The following SAMD13 variants were observed in gnomAD, a reference collection of about 807,000 sequenced individuals.
The protein encoded by SAMD13 is sterile alpha motif domain-containing protein 13.
A neutral mutation model predicts 12.4 loss-of-function variants in SAMD13; 9 were observed. The observed-to-expected ratio is 0.72, with a 90% CI of 0.44 to 1.26. The LOEUF is 1.26. Among genes scored for constraint, SAMD13 ranks in the 50% most tolerant of loss-of-function variants. SAMD13 has a pLI of 0.00. For missense variants in SAMD13, 84 were observed against 119.6 expected (o/e 0.70, Z 1.39); for synonymous variants, 46 against 45.4 (o/e 1.01, Z -0.05).
intron 2 of SAMD13, among the ~76,000 whole-genome samples, chr1:84,311,588 T>C (rs1293286794): frequency 6.6e-6 from 1 of 152,182 alleles, no homozygotes; most frequent in Non-Finnish European, 1.5e-5. Context: ...TCAACAGTAG[T>C]ATCTGTAACA....
chr1:84,345,223 G>A (rs754231157), intron 3 of SAMD13: 2 of 456,208 alleles, frequency 4.4e-6, no homozygotes, highest in Non-Finnish European at 8.8e-6. Context: ...GATGTGAGGG[G>A]GAAGAATGAA....
At chr1:84,336,476 AAG>A (rs1301682367) in intron 3 of SAMD13, among the ~76,000 whole-genome samples, 1 of 152,126 alleles carries the variant, frequency 6.6e-6, no homozygotes, top group African/African-American at 2.4e-5. Flanking sequence ...AGCAGGCAAA[AAG>A]AGAGAGAGCT....
At chr1:84,345,391 G>A in intron 3 of SAMD13, 1 of 371,318 alleles carries the variant, frequency 2.7e-6, no homozygotes. Flanking sequence ...GATGGACAGA[G>A]GTCAGCTTAG....
At chr1:84,331,863 C>A (rs1291903385) in intron 3 of SAMD13, among the ~76,000 whole-genome samples, 4 of 151,938 alleles carry the variant, frequency 2.6e-5, no homozygotes, top group Non-Finnish European at 5.9e-5. Context: ...ATCCAATAGG[C>A]AGTTTTTCAG....
chr1:84,317,123 C>T (rs903732782), intron 2 of SAMD13, among the ~76,000 whole-genome samples: 1 of 151,934 alleles, frequency 6.6e-6, no homozygotes, highest in Non-Finnish European at 1.5e-5. Flanking sequence ...AGGGTTTTCT[C>T]TATATAAGAT....
At chr1:84,308,864 C>A (rs1678644880) in intron 2 of SAMD13, among the ~76,000 whole-genome samples, 2 of 152,018 alleles carry the variant, frequency 1.3e-5, no homozygotes, top group African/African-American at 4.8e-5. Flanking sequence ...ACTCCTAACC[C>A]AAATTTGGAG....
chr1:84,326,313 A>G (rs945058485), intron 3 of SAMD13, among the ~76,000 whole-genome samples: 1 of 152,148 alleles, frequency 6.6e-6, no homozygotes, highest in Admixed American at 6.5e-5. Flanking sequence ...CTATAACATC[A>G]GACTGTCAAT....
chr1:84,306,458 T>C (rs911251032), intron 2 of SAMD13, among the ~76,000 whole-genome samples: 2 of 152,022 alleles, frequency 1.3e-5, no homozygotes, highest in African/African-American at 4.8e-5. Context: ...ATGCCTTGTA[T>C]TTCTTTCTCC....
intron 3 of SAMD13, among the ~76,000 whole-genome samples, chr1:84,333,072 T>C (rs1345836703): frequency 6.6e-6 from 1 of 152,112 alleles, no homozygotes; most frequent in Non-Finnish European, 1.5e-5. Context: ...CTCTCTAGTC[T>C]GTTACATTGG....
In SAMD13 at chr1:84,331,354, A is replaced by AAAAAAAAAAAAAAAATAC. The variant is rs553761794; in HGVS notation, c.165+5610_165+5611insAAAAAAAAAAATACAAAA. On this transcript the variant is annotated intron_variant, in intron 3 of 3. Coordinates refer to ENST00000394834, the MANE Select transcript of SAMD13 (RefSeq NM_001134663.2). ...AAAAAAAAAAAAAAAAAAAAAAAAA[A>AAAAAAAAAAAAAAAATAC]AAAATTATGGATACAAACTTGTTAA... Among the ~76,000 whole-genome samples, 29 of 82,458 alleles carry AAAAAAAAAAAAAAAATAC rather than the reference A, an allele frequency of 3.5e-4. 6 individuals carry two copies. Among genetic ancestry groups the AAAAAAAAAAAAAAAATAC allele is most frequent in the East Asian group, 7.7e-4 (2 of 2,598 alleles). 54.1% of individuals were successfully genotyped at this position (82,458 alleles called of 152,430 possible).
chr1:84,317,281 C>T (rs1028244029), intron 2 of SAMD13, among the ~76,000 whole-genome samples: 2 of 152,024 alleles, frequency 1.3e-5, no homozygotes, highest in African/African-American at 4.8e-5. Context: ...TTGCCTCGTT[C>T]CTGATCTTAA....
chr1:84,340,200 T>C (rs80306569), intron 3 of SAMD13, among the ~76,000 whole-genome samples: 5,340 of 152,284 alleles, frequency 0.035, 285 homozygotes, highest in African/African-American at 0.11. Context: ...AACAGATGAA[T>C]TGATTTTTAA....
At chr1:84,313,878 T>A (rs1678770072) in intron 2 of SAMD13, among the ~76,000 whole-genome samples, 1 of 152,200 alleles carries the variant, frequency 6.6e-6, no homozygotes, top group Admixed American at 6.5e-5. Flanking sequence ...GTGATGCTTT[T>A]TTTTCTTGGT....
At chr1:84,313,982 A>G (rs1375379059) in intron 2 of SAMD13, among the ~76,000 whole-genome samples, 2 of 152,156 alleles carry the variant, frequency 1.3e-5, no homozygotes, top group East Asian at 3.8e-4. Flanking sequence ...GCTATGTATT[A>G]TGTTAAAGAA....
chr1:84,319,789 G>A (rs182317738), intron 2 of SAMD13, among the ~76,000 whole-genome samples: 76 of 152,284 alleles, frequency 5.0e-4, no homozygotes. Flanking sequence ...GCCAAGGACA[G>A]AATGCTGTAT....
intron 3 of SAMD13, among the ~76,000 whole-genome samples, chr1:84,329,681 C>A (rs547255217): frequency 1.3e-5 from 2 of 152,324 alleles, no homozygotes; most frequent in Admixed American, 1.3e-4. Flanking sequence ...TCATCTGCTG[C>A]AATTATCTTC....
intron 2 of SAMD13, among the ~76,000 whole-genome samples, chr1:84,306,031 T>G (rs1038593704): frequency 2.0e-5 from 3 of 152,218 alleles, no homozygotes; most frequent in African/African-American, 7.2e-5. Context: ...GTTGACATTT[T>G]GACTGGCATT....
At chr1:84,315,631 C>G (rs1678816529) in intron 2 of SAMD13, among the ~76,000 whole-genome samples, 1 of 152,092 alleles carries the variant, frequency 6.6e-6, no homozygotes, top group South Asian at 2.1e-4. Flanking sequence ...TGTCAACGGA[C>G]ATTTCAGTTG....
At position 84,342,493 on chromosome 1, in the gene SAMD13, T is replaced by TCTATA. The variant is rs533272585; in HGVS notation, c.166-7138_166-7137insCTATA. Among the ~76,000 whole-genome samples, 498 of 152,224 alleles carry TCTATA rather than the reference T, an allele frequency of 3.3e-3. 3 individuals carry two copies. Among genetic ancestry groups the TCTATA allele is most frequent in the Admixed American group, 7.3e-3 (112 of 15,286 alleles). ...CACAGTAACCAAAACAGCATGGTAT[T>TCTATA]GGTATAAAAACAGACACCTAGACCA... On this transcript the variant is annotated intron_variant, in intron 3 of 3. Coordinates refer to ENST00000394834, the MANE Select transcript of SAMD13 (RefSeq NM_001134663.2).
Sources: allele counts gnomAD v4.1 joint callset (sites outside exome capture counted in the v4.1 genomes callset), GRCh38; gene constraint gnomAD v4.1.1; transcripts MANE v1.5; gene names NCBI Gene and HGNC (gene_info 2026-07-23, HGNC 2026-07-21).